MCTP1: variants seen among roughly 807,000 people sequenced by gnomAD.
MCTP1 encodes the protein multiple C2 and transmembrane domain-containing protein 1.
A neutral mutation model predicts 120.6 loss-of-function variants in MCTP1; 69 were observed. The observed-to-expected ratio is 0.57, with a 90% CI of 0.47 to 0.70. MCTP1 has a LOEUF of 0.70. Among genes scored for constraint, MCTP1 ranks in the 30% least tolerant of loss-of-function variants. The pLI is 0.00. For missense variants in MCTP1, 1,203 were observed against 1,248.8 expected (o/e 0.96, Z 0.55); for synonymous variants, 529 against 493.1 (o/e 1.07, Z -0.96).
rs142705501 is a variant in MCTP1 at position 94,706,122 on chromosome 5, G to A, written c.*1374C>T. 77 of 151,604 alleles carry A rather than the reference G, an allele frequency of 5.1e-4. No individual in the cohort carries two copies. Among genetic ancestry groups the A allele is most frequent in the African/African-American group, 1.8e-3 (75 of 41,440 alleles). The allele number at this position is 151,604 out of a possible 1,614,324, so 9.4% of individuals were successfully genotyped here. On this transcript the variant is annotated 3_prime_UTR_variant, in exon 23 of 23. Coordinates refer to ENST00000515393, the MANE Select transcript of MCTP1 (RefSeq NM_024717.7). ...TTTTAGCTTTTCTATAGTTTTTCCA[G>A]TATAACCCCCACTTTTACCCCATCC...
At chr5:94,712,768 T>G (rs2152546741) in intron 20 of MCTP1, among the ~76,000 whole-genome samples, 1 of 151,922 alleles carries the variant, frequency 6.6e-6, no homozygotes, top group East Asian at 2.0e-4. Context: ...TGCTTCTGCT[T>G]GCTTGTGGAG....
chr5:95,034,746 T>C (rs931737506), intron 1 of MCTP1, among the ~76,000 whole-genome samples: 3 of 152,088 alleles, frequency 2.0e-5, no homozygotes, highest in Non-Finnish European at 2.9e-5. Context: ...AAAGAGCTTC[T>C]GTACGGCAAA....
At chr5:94,854,293 A>G (rs190061924) in intron 17 of MCTP1, among the ~76,000 whole-genome samples, 270 of 151,988 alleles carry the variant, frequency 1.8e-3, no homozygotes, top group African/African-American at 6.2e-3. Flanking sequence ...TGTTTGAGGT[A>G]CGGGTCATGA....
chr5:95,209,619 G>C (rs1040539201), intron 1 of MCTP1, among the ~76,000 whole-genome samples: 3 of 152,036 alleles, frequency 2.0e-5, no homozygotes, highest in African/African-American at 7.2e-5. Context: ...CATAAAACTG[G>C]ATTATTCTAT....
intron 1 of MCTP1, among the ~76,000 whole-genome samples, chr5:95,133,400 A>AGT (rs1759196928): frequency 1.3e-5 from 2 of 152,234 alleles, no homozygotes; most frequent in Admixed American, 1.3e-4. Context: ...GGCCGGGTGC[A>AGT]GTGGCTCATG....
intron 1 of MCTP1, among the ~76,000 whole-genome samples, chr5:95,090,273 T>A (rs1755741927): frequency 6.6e-6 from 1 of 152,234 alleles, no homozygotes; most frequent in Non-Finnish European, 1.5e-5. Flanking sequence ...GTTTTTAAAA[T>A]TTGTAAATAA....
intron 1 of MCTP1, among the ~76,000 whole-genome samples, chr5:95,182,981 G>A (rs138000823): frequency 8.1e-5 from 12 of 147,604 alleles, no homozygotes; most frequent in Non-Finnish European, 1.3e-4. Context: ...GGCTGAGATC[G>A]CACCATTGCA....
chr5:94,795,405 T>C (rs569722633), intron 18 of MCTP1, among the ~76,000 whole-genome samples: 3 of 152,234 alleles, frequency 2.0e-5, no homozygotes, highest in Admixed American at 1.3e-4. Flanking sequence ...GTAATGATGG[T>C]TCAGTAGTTT....
chr5:94,737,445 C>A (rs567128591), intron 19 of MCTP1, among the ~76,000 whole-genome samples: 1 of 152,210 alleles, frequency 6.6e-6, no homozygotes, highest in East Asian at 1.9e-4. Context: ...TCATTTATTA[C>A]CAAAAATTCT....
At position 94,804,469 on chromosome 5, in the gene MCTP1, C is replaced by T. The variant is rs140243442; in HGVS notation, c.2437-5337G>A. Among the ~76,000 whole-genome samples, 188 of 152,128 alleles carry T rather than the reference C, an allele frequency of 1.2e-3. 1 individual carries two copies. The highest frequency in any genetic ancestry group is 4.5e-3 in the African/African-American group (185 of 41,500). On this transcript the variant is annotated intron_variant, in intron 17 of 22. Transcript: ENST00000515393. ...TCTTTTCTTTTTTTTGAGATGGAGT[C>T]TTGCTGTTGCCCAGGTTGGGGTGCA...
chr5:94,822,601 T>C (rs1450912704), intron 17 of MCTP1, among the ~76,000 whole-genome samples: 1 of 152,184 alleles, frequency 6.6e-6, no homozygotes, highest in Non-Finnish European at 1.5e-5. Flanking sequence ...GGTCAGGTGG[T>C]ATTTCTAGTT....
chr5:94,956,472 G>A (rs1822642959), intron 2 of MCTP1, among the ~76,000 whole-genome samples: 1 of 152,086 alleles, frequency 6.6e-6, no homozygotes, highest in Non-Finnish European at 1.5e-5. Flanking sequence ...ACTTCTCAGA[G>A]CTAAAGGAGC....
intron 1 of MCTP1, among the ~76,000 whole-genome samples, chr5:95,022,258 A>G (rs1562031242): frequency 6.6e-6 from 1 of 152,200 alleles, no homozygotes; most frequent in Non-Finnish European, 1.5e-5. Flanking sequence ...AACCTAACTG[A>G]AGCCTATCAT....
chr5:94,993,240 A>T (rs1831957600), intron 2 of MCTP1, among the ~76,000 whole-genome samples: 1 of 152,184 alleles, frequency 6.6e-6, no homozygotes, highest in African/African-American at 2.4e-5. Context: ...ACAACTCAGC[A>T]GTCTACACTT....
At chr5:94,870,635 A>T (rs1797666872) in intron 15 of MCTP1, 144 bp from the exon 16 acceptor site, 1 of 694,754 alleles carries the variant, frequency 1.4e-6, no homozygotes, top group South Asian at 1.8e-5. Context: ...ACAGTTGCAC[A>T]TGCATGCGCT....
intron 1 of MCTP1, among the ~76,000 whole-genome samples, chr5:95,162,979 CTT>C (rs1201284897): frequency 6.6e-6 from 1 of 152,118 alleles, no homozygotes; most frequent in Non-Finnish European, 1.5e-5. Context: ...CATCCTTACT[CTT>C]TGAACAAGTC....
chr5:95,195,050 G>A (rs1750228875), intron 1 of MCTP1, among the ~76,000 whole-genome samples: 1 of 152,212 alleles, frequency 6.6e-6, no homozygotes, highest in Non-Finnish European at 1.5e-5. Context: ...AGTCTAGCCA[G>A]GCCTATGAGG....
At chr5:95,056,024 G>A (rs1165321841) in intron 1 of MCTP1, among the ~76,000 whole-genome samples, 1 of 152,118 alleles carries the variant, frequency 6.6e-6, no homozygotes, top group African/African-American at 2.4e-5. Context: ...CTATGTATCT[G>A]TCCACACATG....
chr5:94,845,071 A>G (rs1481332202), intron 17 of MCTP1, among the ~76,000 whole-genome samples: 1 of 152,266 alleles, frequency 6.6e-6, no homozygotes, highest in Non-Finnish European at 1.5e-5. Context: ...TTTGCAAACT[A>G]TATATCTGAC....
Sources: gnomAD v4.1 joint callset for allele counts (sites outside exome capture counted in the v4.1 genomes callset) on GRCh38, gnomAD v4.1.1 for gene constraint, MANE v1.5 for transcripts, NCBI Gene and HGNC (gene_info 2026-07-23, HGNC 2026-07-21) for gene names.